GNB5: variants seen among roughly 807,000 people sequenced by gnomAD.
GNB5 encodes the protein G protein subunit beta 5.
In GNB5, 37 loss-of-function variants were observed where a neutral mutation model predicts 55.3. The ratio of observed to expected loss-of-function variants is 0.67; its 90% CI spans 0.51 to 0.88. The LOEUF (loss-of-function observed/expected upper bound fraction) is 0.88, where lower values mean the gene tolerates loss of function less well. GNB5 is among the 40% of genes least tolerant of loss of function. GNB5 has a pLI of 0.00. For missense variants in GNB5, 476 were observed against 515.3 expected (o/e 0.92, Z 0.74); for synonymous variants, 219 against 198.5 (o/e 1.10, Z -0.87).
intron 3 of GNB5, among the ~76,000 whole-genome samples, chr15:52,163,047 G>T (rs1021661363): frequency 6.6e-6 from 1 of 152,178 alleles, no homozygotes; most frequent in Non-Finnish European, 1.5e-5. Context: ...GAAAAGCAGG[G>T]TGGGGAGATG....
chr15:52,190,002 G>A lies in GNB5; in HGVS notation c.-19+1320C>T, dbSNP rs145496261. On this transcript the variant is annotated intron_variant, in intron 1 of 12. Transcript: ENST00000261837. Reference sequence around the variant, plus strand: ...TTCGGGGTGATGAAAATACTCTGGAGTCAGTGGCAATGGTTGCAAATCCTT... The same window carrying A: ...TTCGGGGTGATGAAAATACTCTGGAATCAGTGGCAATGGTTGCAAATCCTT... 2.6e-3 allele frequency among the ~76,000 whole-genome samples: 392 copies of A among 152,212 alleles called. 1 individual carries two copies. The highest frequency in any genetic ancestry group is 2.7e-3 in the Non-Finnish European group (182 of 68,016).
intron 5 of GNB5, among the ~76,000 whole-genome samples, chr15:52,148,835 C>A (rs550372449): frequency 6.6e-6 from 1 of 152,322 alleles, no homozygotes; most frequent in East Asian, 1.9e-4. Context: ...TAGCCACTCT[C>A]AGCACAGGGT....
At chr15:52,187,963 A>AT (rs1320868465) in intron 1 of GNB5, among the ~76,000 whole-genome samples, 10 of 138,326 alleles carry the variant, frequency 7.2e-5, no homozygotes, top group East Asian at 3.9e-4. Flanking sequence ...AAAATTAAAA[A>AT]TTAAAAATAA....
chr15:52,167,692 A>G (rs1200654450), intron 3 of GNB5, among the ~76,000 whole-genome samples: 1 of 152,084 alleles, frequency 6.6e-6, no homozygotes, highest in Non-Finnish European at 1.5e-5. Flanking sequence ...AGAAAAGAAA[A>G]AAGAAAACTT....
Position 52,117,102 on chromosome 15 carries a change from A to ATATATATATATATATATATATATATTTT in GNB5, c.*5654_*5655insAAAATATATATATATATATATATATATA. 6 of 87,100 alleles carry ATATATATATATATATATATATATATTTT rather than the reference A, an allele frequency of 6.9e-5. No individual in the cohort carries two copies. Among genetic ancestry groups the ATATATATATATATATATATATATATTTT allele is most frequent in the African/African-American group, 3.7e-4 (6 of 16,420 alleles). 5.4% of individuals were successfully genotyped at this position (87,100 alleles called of 1,614,324 possible). On this transcript the variant is annotated 3_prime_UTR_variant, in exon 13 of 13. Transcript: ENST00000261837. Reference sequence around the variant, plus strand: ...CCACGCCCAGCTAATATATATATATATTTTTTTTTAGTACAGACAGGGTTT... The same window carrying ATATATATATATATATATATATATATTTT: ...CCACGCCCAGCTAATATATATATATATATATATATATATATATATATATATTTTTTTTTTTTTAGTACAGACAGGGTTT...
intron 5 of GNB5, among the ~76,000 whole-genome samples, chr15:52,148,488 T>C (rs1421600777): frequency 9.2e-5 from 14 of 152,132 alleles, no homozygotes; most frequent in Non-Finnish European, 1.6e-4. Context: ...CGGTTGCACA[T>C]CTTGGTGGTG....
intron 3 of GNB5, among the ~76,000 whole-genome samples, chr15:52,170,424 C>T (rs2034534694): frequency 6.6e-6 from 1 of 152,006 alleles, no homozygotes; most frequent in African/African-American, 2.4e-5. Context: ...GACATGGAAG[C>T]CATTATCCTC....
chr15:52,184,539 A>G lies in GNB5; in HGVS notation c.126+12T>C, dbSNP rs763034355. ...AAGACAGATAACTGAATTTTTTTTA[A>G]GTGGCACTTACAATTTCTGCACATG... On this transcript the variant is annotated intron_variant, in intron 2 of 12. Coordinates refer to ENST00000261837, the MANE Select transcript of GNB5 (RefSeq NM_016194.4). 6.2e-7 allele frequency: 1 copy of G among 1,611,600 alleles called. No homozygotes were observed. The highest frequency in any genetic ancestry group is 8.5e-7 in the Non-Finnish European group (1 of 1,178,250).
chr15:52,151,120 T>A (rs1198107657), intron 4 of GNB5, among the ~76,000 whole-genome samples: 1 of 152,174 alleles, frequency 6.6e-6, no homozygotes, highest in African/African-American at 2.4e-5. Flanking sequence ...CAAAGCACAT[T>A]GGTTCTTCTG....
rs1442494930 is a variant in GNB5, at chr15:52,115,121, A to T, written c.*7636T>A. 7 of 152,200 alleles carry T rather than the reference A, an allele frequency of 4.6e-5. No individual in the cohort carries two copies. The highest frequency in any genetic ancestry group is 2.9e-5 in the Non-Finnish European group (2 of 68,022). The allele number at this position is 152,200 out of a possible 1,614,324, so 9.4% of individuals were successfully genotyped here. A position where few individuals can be genotyped will look rare whatever the true frequency, so the allele number is the denominator to read the frequency against. On this transcript the variant is annotated 3_prime_UTR_variant, in exon 13 of 13. Transcript: ENST00000261837. ...AAGCTTGGATACATGTTCATGTTTT[A>T]TTTGCAAGACAGTCATGATTTTACC...
intron 6 of GNB5, among the ~76,000 whole-genome samples, chr15:52,143,499 T>C (rs4636859): frequency 0.14 from 20,604 of 152,214 alleles, 1,705 homozygotes; most frequent in Admixed American, 0.24. Flanking sequence ...GTACAATACC[T>C]GAATGAAAGC....
rs892858628 is a variant in GNB5, at chr15:52,118,215, T to C, written c.*4542A>G. ...CTCTTCCAAGGCCCTTAGTGGTTTC[T>C]GGGAGGTCTCACACAGAGGGGCTGG... On this transcript the variant is annotated 3_prime_UTR_variant, in exon 13 of 13. Coordinates refer to ENST00000261837, the MANE Select transcript of GNB5 (RefSeq NM_016194.4). 1.3e-5 allele frequency: 2 copies of C among 152,278 alleles called. No individual in the cohort carries two copies. Among genetic ancestry groups the C allele is most frequent in the African/African-American group, 4.8e-5 (2 of 41,446 alleles). The allele number at this position is 152,278 out of a possible 1,614,324, so 9.4% of individuals were successfully genotyped here.
chr15:52,151,823 G>C (rs1658398949), intron 4 of GNB5, among the ~76,000 whole-genome samples: 1 of 152,002 alleles, frequency 6.6e-6, no homozygotes, highest in Non-Finnish European at 1.5e-5. Flanking sequence ...TAATAATAAT[G>C]GGCAGGGCAA....
chr15:52,180,087 G>T, intron 2 of GNB5: 1 of 448,766 alleles, frequency 2.2e-6, no homozygotes, highest in Non-Finnish European at 3.4e-6. Flanking sequence ...TGCCTGGTGC[G>T]ATGTCCGCGT....
At chr15:52,141,107 A>T (rs2141200771) in intron 7 of GNB5, 33 bp downstream of exon 7, 1 of 1,609,364 alleles carries the variant, frequency 6.2e-7, no homozygotes, top group Admixed American at 1.7e-5. Context: ...GCTCCTTGGC[A>T]GGTCAACCTG....
chr15:52,177,565 C>T (rs1021475138), intron 3 of GNB5, among the ~76,000 whole-genome samples: 7 of 150,602 alleles, frequency 4.6e-5, no homozygotes, highest in Non-Finnish European at 8.9e-5. Flanking sequence ...GCAGGAGAAA[C>T]ACTTGAACCT....
chr15:52,124,324 G>A, intron 12 of GNB5, 149 bp downstream of exon 12: 2 of 618,490 alleles, frequency 3.2e-6, no homozygotes, highest in Non-Finnish European at 5.7e-6. Context: ...CATTCCCTCT[G>A]TGGCTGTGGG....
At chr15:52,187,416 G>C (rs900752169) in intron 1 of GNB5, among the ~76,000 whole-genome samples, 52 of 152,228 alleles carry the variant, frequency 3.4e-4, no homozygotes, top group African/African-American at 1.2e-3. Flanking sequence ...AGATTGCTAT[G>C]TTCTGGAGAA....
intron 3 of GNB5, among the ~76,000 whole-genome samples, chr15:52,167,440 C>T (rs554320090): frequency 6.2e-4 from 94 of 152,164 alleles, no homozygotes; most frequent in African/African-American, 2.1e-3. Context: ...GAGGCTGAGG[C>T]GGGTGGATCA....
Sources: allele counts gnomAD v4.1 joint callset (sites outside exome capture counted in the v4.1 genomes callset), GRCh38; gene constraint gnomAD v4.1.1; transcripts MANE v1.5; gene names NCBI Gene and HGNC (gene_info 2026-07-23, HGNC 2026-07-21).